Variants in ADGRB3 observed in about 807,000 individuals in gnomAD.
The protein encoded by ADGRB3 is brain-specific angiogenesis inhibitor 3.
Under a neutral mutation model 193.4 loss-of-function variants are expected in ADGRB3, and 37 were observed. The observed-to-expected ratio is 0.19, with a 90% CI of 0.15 to 0.25. ADGRB3 has a LOEUF of 0.25. Among genes scored for constraint, ADGRB3 ranks in the 10% least tolerant of loss-of-function variants. ADGRB3 has a pLI of 1.00. For synonymous variants in ADGRB3, 690 were observed against 644.2 expected, an observed-to-expected ratio of 1.07 and a Z score of -1.08; for missense variants, 1,637 against 1,852.9, an observed-to-expected ratio of 0.88 and a Z score of 2.14.
At chr6:69,215,811 AGAG>A (rs1488214025) in intron 17 of ADGRB3, among the ~76,000 whole-genome samples, 2 of 152,170 alleles carry the variant, frequency 1.3e-5, no homozygotes, top group Admixed American at 6.5e-5. Context: ...CTGGCTTGTT[AGAG>A]GAGGAGAAGA....
chr6:68,940,892 A>C, intron 5 of ADGRB3, among the ~76,000 whole-genome samples: 1 of 152,190 alleles, frequency 6.6e-6, no homozygotes, highest in East Asian at 1.9e-4. Context: ...TCCGTCTCAA[A>C]ATAAAATAAA....
At chr6:69,071,566 G>T (rs964115948) in intron 16 of ADGRB3, among the ~76,000 whole-genome samples, 1 of 152,156 alleles carries the variant, frequency 6.6e-6, no homozygotes, top group African/African-American at 2.4e-5. Flanking sequence ...TGAGTAAATA[G>T]AAACATGTAG....
At chr6:69,368,897 T>C (rs1769645751) in intron 29 of ADGRB3, among the ~76,000 whole-genome samples, 1 of 151,898 alleles carries the variant, frequency 6.6e-6, no homozygotes, top group African/African-American at 2.4e-5. Flanking sequence ...GAGTTCTAAG[T>C]GGGAAATTAA....
intron 3 of ADGRB3, among the ~76,000 whole-genome samples, chr6:68,794,548 A>T (rs1767170149): frequency 6.6e-6 from 1 of 152,132 alleles, no homozygotes; most frequent in South Asian, 2.1e-4. Flanking sequence ...CTACCTAGTT[A>T]ATATTCACAA....
At chr6:68,845,055 T>C (rs756536452) in intron 3 of ADGRB3, among the ~76,000 whole-genome samples, 38 of 152,072 alleles carry the variant, frequency 2.5e-4, no homozygotes, top group Non-Finnish European at 5.1e-4. Context: ...TGGTATTTGA[T>C]GGAAAAACAG....
intron 8 of ADGRB3, among the ~76,000 whole-genome samples, chr6:68,961,019 A>G (rs1355457382): frequency 1.3e-5 from 2 of 152,144 alleles, no homozygotes. Flanking sequence ...CCTCAACAAA[A>G]TTGCAAAATT....
intron 3 of ADGRB3, among the ~76,000 whole-genome samples, chr6:68,692,022 T>C (rs1037449882): frequency 6.6e-6 from 1 of 151,822 alleles, no homozygotes; most frequent in Non-Finnish European, 1.5e-5. Flanking sequence ...TACAAAAGAA[T>C]GGCCATGTGT....
At chr6:69,181,952 C>T (rs1775595676) in intron 17 of ADGRB3, among the ~76,000 whole-genome samples, 1 of 152,032 alleles carries the variant, frequency 6.6e-6, no homozygotes, top group African/African-American at 2.4e-5. Context: ...ACTCAATAAA[C>T]AAGTAAATTG....
chr6:69,050,500 C>G (rs1376409965), intron 15 of ADGRB3, among the ~76,000 whole-genome samples: 5 of 152,194 alleles, frequency 3.3e-5, no homozygotes, highest in African/African-American at 1.2e-4. Flanking sequence ...AGTCTACTCT[C>G]AGCTTTTCCA....
intron 3 of ADGRB3, among the ~76,000 whole-genome samples, chr6:68,868,068 A>G (rs2150218076): frequency 6.6e-6 from 1 of 152,224 alleles, no homozygotes; most frequent in African/African-American, 2.4e-5. Flanking sequence ...TGTGAGAAGG[A>G]CATGAGATTT....
intron 13 of ADGRB3, among the ~76,000 whole-genome samples, chr6:69,044,629 T>A (rs920902167): frequency 6.6e-6 from 1 of 152,238 alleles, no homozygotes; most frequent in Admixed American, 6.5e-5. Context: ...AGGAATTTTA[T>A]GCTGCCTATC....
At chr6:69,386,924 A>T (rs567097286) in intron 31 of ADGRB3, among the ~76,000 whole-genome samples, 2 of 152,076 alleles carry the variant, frequency 1.3e-5, no homozygotes, top group African/African-American at 4.8e-5. Flanking sequence ...CCATTTAACT[A>T]TACATTCTTC....
chr6:69,192,312 C>CGG (rs1331042054), intron 17 of ADGRB3, among the ~76,000 whole-genome samples: 1 of 152,078 alleles, frequency 6.6e-6, no homozygotes, highest in East Asian at 1.9e-4. Flanking sequence ...AGTGGATGCA[C>CGG]GGGAGAAAGA....
intron 17 of ADGRB3, among the ~76,000 whole-genome samples, chr6:69,149,922 TTCTGTGTG>T (rs1414798346): frequency 3.2e-5 from 4 of 125,546 alleles, no homozygotes; most frequent in Admixed American, 8.6e-5. Flanking sequence ...CTGTCTGTCT[TTCTGTGTG>T]TGTGTGTGTG....
intron 17 of ADGRB3, among the ~76,000 whole-genome samples, chr6:69,092,555 A>T (rs138337030): frequency 1.3e-5 from 2 of 152,346 alleles, no homozygotes; most frequent in East Asian, 3.9e-4. Context: ...ATTGTAAGCA[A>T]CATGTGTGAA....
chr6:69,367,069 G>C (rs1769587228), intron 29 of ADGRB3, among the ~76,000 whole-genome samples: 1 of 152,142 alleles, frequency 6.6e-6, no homozygotes, highest in Admixed American at 6.6e-5. Context: ...GCATCTGAAA[G>C]TGTCATTTAT....
intron 3 of ADGRB3, among the ~76,000 whole-genome samples, chr6:68,802,701 G>C (rs186336673): frequency 1.8e-4 from 28 of 152,082 alleles, no homozygotes; most frequent in Non-Finnish European, 2.9e-5. Context: ...GATAAATTGT[G>C]TTAAGTTTTT....
chr6:69,278,319 C>A (rs1236863217), intron 20 of ADGRB3, among the ~76,000 whole-genome samples: 1 of 152,214 alleles, frequency 6.6e-6, no homozygotes, highest in African/African-American at 2.4e-5. Context: ...TAACTTCATC[C>A]TCCCTTCATC....
At chr6:68,758,789 T>C (rs1185350013) in intron 3 of ADGRB3, among the ~76,000 whole-genome samples, 1 of 152,164 alleles carries the variant, frequency 6.6e-6, no homozygotes, top group Non-Finnish European at 1.5e-5. Flanking sequence ...ATTTATGTTG[T>C]TCAGCTTTGT....
Sources: gnomAD v4.1 joint callset for allele counts (sites outside exome capture counted in the v4.1 genomes callset) on GRCh38, gnomAD v4.1.1 for gene constraint, MANE v1.5 for transcripts, NCBI Gene and HGNC (gene_info 2026-07-23, HGNC 2026-07-21) for gene names.